CLCA1: variants seen among roughly 807,000 people sequenced by gnomAD.
The protein encoded by CLCA1 is calcium-activated chloride channel regulator 1.
Under a neutral mutation model 85.6 loss-of-function variants are expected in CLCA1, and 59 were observed. That is an observed-to-expected ratio of 0.69 (90% CI 0.56 to 0.86). The LOEUF (loss-of-function observed/expected upper bound fraction) is 0.86, where lower values mean the gene tolerates loss of function less well. Among genes scored for constraint, CLCA1 ranks in the 40% least tolerant of loss-of-function variants. The pLI, the probability that CLCA1 is intolerant of heterozygous loss-of-function variation, is 0.00. For synonymous variants in CLCA1, 396 were observed against 398.3 expected (o/e 0.99, Z 0.07); for missense variants, 1,022 against 1,101.4 (o/e 0.93, Z 1.02).
intron 7 of CLCA1, 42 bp from the exon 8 acceptor site, chr1:86,488,954 C>A: frequency 6.6e-7 from 1 of 1,526,062 alleles, no homozygotes; most frequent in Non-Finnish European, 8.9e-7. Flanking sequence ...ACACTTTGGC[C>A]ACCCTAAGTC....
At chr1:86,484,496 T>C (rs1222864086) in intron 5 of CLCA1, among the ~76,000 whole-genome samples, 1 of 151,884 alleles carries the variant, frequency 6.6e-6, no homozygotes, top group Non-Finnish European at 1.5e-5. Context: ...AGTCATAGAG[T>C]TTGCCATTGG....
At chr1:86,475,501 T>C (rs1339824016) in intron 3 of CLCA1, among the ~76,000 whole-genome samples, 2 of 152,210 alleles carry the variant, frequency 1.3e-5, no homozygotes, top group African/African-American at 2.4e-5. Context: ...ATGGAGACAA[T>C]TTTCTATTGT....
chr1:86,496,284 A>G (rs907184297), intron 12 of CLCA1, among the ~76,000 whole-genome samples: 3 of 152,232 alleles, frequency 2.0e-5, no homozygotes, highest in African/African-American at 7.2e-5. Context: ...TAAAAAAGTA[A>G]TAATTTAGGG....
intron 1 of CLCA1, among the ~76,000 whole-genome samples, chr1:86,472,440 TG>T (rs1208821395): frequency 6.6e-6 from 1 of 152,206 alleles, no homozygotes; most frequent in African/African-American, 2.4e-5. Flanking sequence ...TTTCTACCTC[TG>T]AATGCTGGGG....
chr1:86,469,075 T>C lies in CLCA1; in HGVS notation c.104T>C (p.Ile35Thr), dbSNP rs762283718. The change falls in exon 1 of 14, where the codon ATT becomes ACT. Residue 35 changes from isoleucine to threonine, a missense_variant. Transcript: ENST00000394711. ...CTGAACAACAATGGCTATGAAGGCA[T>C]TGTCGTTGCAATCGACCCCAATGTG... The part of the protein sequence containing the change: ...IQLNNNGYEG[I>T]VVAIDPNVPE... The C allele has an allele frequency of 1.9e-6, 3 of 1,612,780 alleles. No individual in the cohort carries two copies. The South Asian group carries it at 3.3e-5, about 18-fold the overall frequency.
At chr1:86,495,038 T>TA (rs35628188) in intron 11 of CLCA1, among the ~76,000 whole-genome samples, 41,229 of 136,772 alleles carry the variant, frequency 0.3, 5,965 homozygotes, top group East Asian at 0.55. Context: ...TTCTACAGTT[T>TA]AAAAAAAAAA....
intron 1 of CLCA1, among the ~76,000 whole-genome samples, chr1:86,473,203 G>A (rs1647549528): frequency 6.6e-6 from 1 of 152,206 alleles, no homozygotes; most frequent in Non-Finnish European, 1.5e-5. Context: ...TGTCTCCAGA[G>A]TCTGCATTGT....
chr1:86,495,976 G>GA (rs2101748140), intron 12 of CLCA1, among the ~76,000 whole-genome samples: 1 of 152,266 alleles, frequency 6.6e-6, no homozygotes, highest in Admixed American at 6.5e-5. Flanking sequence ...GCCTCCAGCT[G>GA]AAAATCACTG....
At chr1:86,474,566 A>AAG (rs1491452022) in intron 3 of CLCA1, among the ~76,000 whole-genome samples, 7 of 106,104 alleles carry the variant, frequency 6.6e-5, no homozygotes, top group African/African-American at 2.4e-4. Context: ...AAAAAAAAAA[A>AAG]GGGGGGGGAT....
At chr1:86,487,989 G>A (rs1648028262) in intron 7 of CLCA1, among the ~76,000 whole-genome samples, 1 of 152,226 alleles carries the variant, frequency 6.6e-6, no homozygotes, top group Admixed American at 6.5e-5. Context: ...TGGGCTCTGG[G>A]CTCTTTGACA....
intron 10 of CLCA1, 40 bp from the exon 11 acceptor site, chr1:86,494,147 G>A: frequency 1.9e-6 from 3 of 1,609,960 alleles, no homozygotes; most frequent in Middle Eastern, 1.7e-4. Context: ...TGTGTCACCT[G>A]AAGTTATTCA....
chr1:86,485,174 T>A (rs1647930192), intron 5 of CLCA1, among the ~76,000 whole-genome samples, 169 bp from the exon 6 acceptor site: 1 of 152,122 alleles, frequency 6.6e-6, no homozygotes, highest in Admixed American at 6.5e-5. Flanking sequence ...AAGGCCTGGT[T>A]TAAGGTAGGA....
intron 3 of CLCA1, among the ~76,000 whole-genome samples, chr1:86,475,711 A>G (rs1219946730): frequency 6.6e-6 from 1 of 152,224 alleles, no homozygotes; most frequent in Non-Finnish European, 1.5e-5. Flanking sequence ...CTAAGGAAAC[A>G]TAGGTAAAAA....
intron 9 of CLCA1, among the ~76,000 whole-genome samples, chr1:86,492,634 C>CA (rs944411349): frequency 6.6e-6 from 1 of 152,190 alleles, no homozygotes; most frequent in African/African-American, 2.4e-5. Flanking sequence ...AGATAATCCT[C>CA]AAAATCACAT....
intron 5 of CLCA1, among the ~76,000 whole-genome samples, chr1:86,483,378 G>A (rs865891534): frequency 6.6e-5 from 10 of 151,994 alleles, no homozygotes; most frequent in Middle Eastern, 3.2e-3. Flanking sequence ...CCTGAAAAAC[G>A]CACATAAAGA....
Position 86,486,739 on chromosome 1 carries a change from C to A in CLCA1, c.1168C>A (p.Arg390=), listed in dbSNP as rs139300046. The part of the protein sequence containing the change: ...SGGTSICSGL[R]SAFTVIRKKY... ...AGGGACGTCCATCTGCAGCGGGCTT[C>A]GATCGGCATTTACTGTGAGATGTGT... Residue 390 remains arginine, a synonymous_variant, in exon 7 of 14, where the codon CGA becomes AGA. Coordinates refer to ENST00000394711, the MANE Select transcript of CLCA1 (RefSeq NM_001285.4). 6.2e-7 allele frequency: 1 copy of A among 1,614,070 alleles called. No homozygotes were observed. The highest frequency in any genetic ancestry group is 1.7e-5 in the Admixed American group (1 of 60,018).
intron 6 of CLCA1, among the ~76,000 whole-genome samples, 181 bp downstream of exon 6, chr1:86,485,742 AT>A (rs993160389): frequency 6.6e-6 from 1 of 152,144 alleles, no homozygotes. Context: ...CAACTATCTC[AT>A]TTGCCAAATT....
intron 12 of CLCA1, among the ~76,000 whole-genome samples, chr1:86,497,980 TA>T (rs559499232): frequency 6.2e-4 from 94 of 152,036 alleles, no homozygotes; most frequent in Non-Finnish European, 8.8e-4. Context: ...CCATGTCTAC[TA>T]AAAATACAAA....
chr1:86,491,236 T>C (rs1343588143), intron 8 of CLCA1, 29 bp from the exon 9 acceptor site: 1 of 1,542,882 alleles, frequency 6.5e-7, no homozygotes, highest in South Asian at 1.1e-5. Flanking sequence ...TTCTGGAAAA[T>C]AATTTCTGAA....
Sources: allele counts gnomAD v4.1 joint callset (sites outside exome capture counted in the v4.1 genomes callset), GRCh38; gene constraint gnomAD v4.1.1; transcripts MANE v1.5; gene names NCBI Gene and HGNC (gene_info 2026-07-23, HGNC 2026-07-21).